The following ADGRD1 variants were observed in gnomAD, a reference collection of about 807,000 sequenced individuals.
ADGRD1 encodes the protein G-protein coupled receptor 133.
ADGRD1 carries 77 observed loss-of-function variants against 113.4 expected under a neutral mutation model. That is an observed-to-expected ratio of 0.68 (90% CI 0.57 to 0.82). The LOEUF is 0.82. ADGRD1 is among the 40% of genes least tolerant of loss of function. ADGRD1 has a pLI of 0.00. For synonymous variants in ADGRD1, 474 were observed against 475.0 expected, an observed-to-expected ratio of 1.00 and a Z score of 0.03; for missense variants, 1,036 against 1,139.1, an observed-to-expected ratio of 0.91 and a Z score of 1.30.
At chr12:131,000,846 T>C (rs1233665105) in intron 9 of ADGRD1, among the ~76,000 whole-genome samples, 1 of 151,136 alleles carries the variant, frequency 6.6e-6, no homozygotes, top group Non-Finnish European at 1.5e-5. Flanking sequence ...AGTGGCATAA[T>C]ATGGCCCAGT....
At chr12:131,000,843 T>A (rs933105316) in intron 9 of ADGRD1, among the ~76,000 whole-genome samples, 7 of 151,414 alleles carry the variant, frequency 4.6e-5, no homozygotes, top group Non-Finnish European at 7.4e-5. Flanking sequence ...AGAAGTGGCA[T>A]AATATGGCCC....
In ADGRD1 at chr12:131,139,616, G is replaced by A. The variant is rs191843047; in HGVS notation, c.*353G>A. The A allele has an allele frequency of 3.3e-3, 663 of 203,098 alleles. 6 individuals carry two copies. Among genetic ancestry groups the A allele is most frequent in the African/African-American group, 0.015 (632 of 43,324 alleles). The allele number at this position is 203,098 out of a possible 1,614,324, so 12.6% of individuals were successfully genotyped here. On this transcript the variant is annotated 3_prime_UTR_variant, in exon 25 of 25. Transcript: ENST00000261654. Reference sequence around the variant, plus strand: ...GGCCAGGACACTCGGGGCCGGTCCCGCAGCACCAGGAGGGGATGTTCAGCC... The same window carrying A: ...GGCCAGGACACTCGGGGCCGGTCCCACAGCACCAGGAGGGGATGTTCAGCC...
chr12:131,119,227 T>C (rs931161303), intron 19 of ADGRD1, among the ~76,000 whole-genome samples: 1 of 152,234 alleles, frequency 6.6e-6, no homozygotes, highest in Non-Finnish European at 1.5e-5. Flanking sequence ...TTTCACAGCT[T>C]CAGAATGAGA....
chr12:131,039,041 C>T (rs1881837614), intron 13 of ADGRD1, among the ~76,000 whole-genome samples: 1 of 152,248 alleles, frequency 6.6e-6, no homozygotes, highest in African/African-American at 2.4e-5. Context: ...AGGGAACTGC[C>T]TGCGGGAGAG....
rs539545194 is a variant in ADGRD1, at chr12:131,102,976, C to G, written c.1672-1855C>G. Among the ~76,000 whole-genome samples, 5 of 152,372 alleles carry G rather than the reference C, an allele frequency of 3.3e-5. No individual in the cohort carries two copies. The South Asian group carries it at 1.0e-3, about 32-fold the overall frequency. On this transcript the variant is annotated intron_variant, in intron 15 of 24. Transcript: ENST00000261654. The stretch of plus-strand genomic sequence containing the variant: ...TCTCATCCTCAGGGATACTGATGGG[C>G]TCCCCTGTGACTGCCCCTCCTCTCT...
intron 17 of ADGRD1, among the ~76,000 whole-genome samples, chr12:131,108,013 G>A (rs1325297101): frequency 1.3e-5 from 2 of 152,144 alleles, no homozygotes; most frequent in African/African-American, 4.8e-5. Context: ...GAGCAGAGGA[G>A]TGGAGCCCCA....
intron 15 of ADGRD1, among the ~76,000 whole-genome samples, chr12:131,089,732 C>T (rs1886774671): frequency 6.6e-6 from 1 of 152,240 alleles, no homozygotes; most frequent in Admixed American, 6.5e-5. Context: ...CCTGCCCTCT[C>T]CTTCAGTCCA....
Position 130,954,411 on chromosome 12 carries a change from C to A in ADGRD1, c.-55C>A. 1.0e-5 allele frequency: 15 copies of A among 1,450,826 alleles called. No homozygotes were observed. The highest frequency in any genetic ancestry group is 1.4e-5 in the Non-Finnish European group (15 of 1,076,156). 89.9% of individuals were successfully genotyped at this position (1,450,826 alleles called of 1,614,324 possible). A position where few individuals can be genotyped will look rare whatever the true frequency, so the allele number is the denominator to read the frequency against. ...GAAGTGAAGGTTAAGAGGTCCCGTT[C>A]TCACAGACCCTCAGGAATTTCACTT... is the stretch of plus-strand genomic sequence containing the variant. On this transcript the variant is annotated 5_prime_UTR_variant, in exon 1 of 25. Coordinates refer to ENST00000261654, the MANE Select transcript of ADGRD1 (RefSeq NM_198827.5). This position sits in a 1 kb window ranked among gnomAD's most constrained non-coding sequence, Gnocchi z 4.7.
At chr12:131,053,246 C>T (rs1883559223) in intron 13 of ADGRD1, among the ~76,000 whole-genome samples, 1 of 152,254 alleles carries the variant, frequency 6.6e-6, no homozygotes, top group African/African-American at 2.4e-5. Context: ...GGCCTGGGCC[C>T]TCTGCTGTCT....
In ADGRD1 at chr12:131,084,283, C is replaced by G. The variant is rs559642077; in HGVS notation, c.1548-257C>G. 5.3e-5 allele frequency among the ~76,000 whole-genome samples: 8 copies of G among 152,280 alleles called. No individual in the cohort carries two copies. Among genetic ancestry groups the G allele is most frequent in the African/African-American group, 1.4e-4 (6 of 41,564 alleles). ...GGGTGATTGTGCGAAGCAGCTCCCC[C>G]TTCCCTGTCCCAGAGGGAGGGCCTT... On this transcript the variant is annotated intron_variant, in intron 14 of 24. Coordinates refer to ENST00000261654, the MANE Select transcript of ADGRD1 (RefSeq NM_198827.5). The surrounding 1 kb of genome is among the most constrained non-coding windows in gnomAD (Gnocchi z 4.5).
Position 130,981,867 on chromosome 12 carries a change from C to G in ADGRD1, c.311-17C>G. The G allele has an allele frequency of 3.8e-6, 6 of 1,591,928 alleles. No homozygotes were observed. The highest frequency in any genetic ancestry group is 4.3e-6 in the Non-Finnish European group (5 of 1,162,992). Reference sequence around the variant, plus strand: ...CCCCTGCTCTCTGTGAATAACTGATCTTGTGACTTTCCTCAGGGGTCACGT... The same window carrying G: ...CCCCTGCTCTCTGTGAATAACTGATGTTGTGACTTTCCTCAGGGGTCACGT... On this transcript the variant is annotated splice_polypyrimidine_tract_variant and intron_variant, in intron 4 of 24. Coordinates refer to ENST00000261654, the MANE Select transcript of ADGRD1 (RefSeq NM_198827.5).
At chr12:131,004,665 A>G (rs12310414) in intron 11 of ADGRD1, among the ~76,000 whole-genome samples, 46,481 of 151,978 alleles carry the variant, frequency 0.31, 7,258 homozygotes, top group Non-Finnish European at 0.33. Flanking sequence ...ATCGGCACAC[A>G]CCTGGTCAGC....
chr12:131,019,893 C>T (rs75247225), intron 13 of ADGRD1, among the ~76,000 whole-genome samples: 4 of 35,992 alleles, frequency 1.1e-4, no homozygotes, highest in Non-Finnish European at 2.6e-4. Flanking sequence ...ATTCCAGGGG[C>T]AGGACCCTGA....
chr12:131,083,750 A>G (rs1044667609), intron 14 of ADGRD1, among the ~76,000 whole-genome samples: 1 of 152,256 alleles, frequency 6.6e-6, no homozygotes, highest in Non-Finnish European at 1.5e-5. Flanking sequence ...TTTATATTTT[A>G]TAAAGTTACG....
chr12:131,109,003 G>A, intron 18 of ADGRD1, 126 bp downstream of exon 18: 1 of 436,930 alleles, frequency 2.3e-6, no homozygotes, highest in Non-Finnish European at 4.2e-6. Flanking sequence ...GGGGATGGGG[G>A]GAGGTGGGAA....
At chr12:131,001,025 G>T (rs1021287545) in intron 9 of ADGRD1, among the ~76,000 whole-genome samples, 2 of 152,090 alleles carry the variant, frequency 1.3e-5, no homozygotes, top group African/African-American at 4.8e-5. Context: ...GGAAATGATG[G>T]TTTTTTCCCC....
At chr12:131,023,565 A>G (rs1293583774) in intron 13 of ADGRD1, 2 of 152,166 alleles carry the variant, frequency 1.3e-5, no homozygotes, top group East Asian at 1.9e-4. Context: ...GTGGTATACC[A>G]TAGAAACTCT....
Position 130,971,728 on chromosome 12 carries a change from G to C in ADGRD1, c.310+148G>C. 1.3e-6 allele frequency: 1 copy of C among 798,336 alleles called. No homozygotes were observed. Among genetic ancestry groups the C allele is most frequent in the Non-Finnish European group, 1.9e-6 (1 of 540,196 alleles). 49.5% of individuals were successfully genotyped at this position (798,336 alleles called of 1,614,324 possible). ...CAACGATGGATCGGAGGGCAGGGGA[G>C]GGAGGAATACAGGCAAGGAGGTTAC... On this transcript the variant is annotated intron_variant, in intron 4 of 24. Transcript: ENST00000261654. This position sits in a 1 kb window ranked among gnomAD's most constrained non-coding sequence, Gnocchi z 4.2.
At chr12:131,079,215 G>T (rs1425244519) in intron 14 of ADGRD1, among the ~76,000 whole-genome samples, 4 of 152,172 alleles carry the variant, frequency 2.6e-5, no homozygotes, top group African/African-American at 7.2e-5. Flanking sequence ...ACTGCTGAGG[G>T]GGTATTCCGT....
Sources: allele counts gnomAD v4.1 joint callset (sites outside exome capture counted in the v4.1 genomes callset), GRCh38; gene constraint gnomAD v4.1.1; non-coding constraint Gnocchi (gnomAD v3.1); transcripts MANE v1.5; gene names NCBI Gene and HGNC (gene_info 2026-07-23, HGNC 2026-07-21).